Variants in GAA observed in about 807,000 individuals in gnomAD.
GAA encodes alpha glucosidase.
GAA carries 88 observed loss-of-function variants against 103.9 expected under a neutral mutation model. The ratio of observed to expected loss-of-function variants is 0.85; its 90% CI spans 0.71 to 1.01. The LOEUF (loss-of-function observed/expected upper bound fraction) is 1.01. Among genes scored for constraint, GAA ranks in the 50% least tolerant of loss-of-function variants. The pLI, the probability that GAA is intolerant of heterozygous loss-of-function variation, is 0.00. For missense variants in GAA, 1,350 were observed against 1,305.3 expected (o/e 1.03, Z -0.53); for synonymous variants, 572 against 563.1 (o/e 1.02, Z -0.22).
chr17:80,116,177 C>T (rs1431190483), intron 15 of GAA, among the ~76,000 whole-genome samples: 2 of 152,162 alleles, frequency 1.3e-5, no homozygotes, highest in Non-Finnish European at 2.9e-5. Flanking sequence ...TTTATTTTGC[C>T]CATGAATTAG....
rs80028109 is a variant in GAA, at chr17:80,109,816, C to T, written c.1327-129C>T. On this transcript the variant is annotated intron_variant, in intron 8 of 19. Transcript: ENST00000302262. ...AGGCGTGTGCAGGCATGTGCAGGTA[C>T]ACAGGCAGGCATGCTGTACACACGC... 276 of 685,774 alleles carry T rather than the reference C, an allele frequency of 4.0e-4. 1 individual carries two copies. The East Asian group carries it at 6.4e-3, about 16-fold the overall frequency. 42.5% of individuals were successfully genotyped at this position (685,774 alleles called of 1,614,324 possible).
rs1438918341 is a variant in GAA at position 80,105,818 on chromosome 17, T to C, written c.616T>C (p.Ser206Pro). 8 of 1,610,598 alleles carry C rather than the reference T, an allele frequency of 5.0e-6. No homozygotes were observed. Among genetic ancestry groups the C allele is most frequent in the South Asian group, 2.2e-5 (2 of 91,080 alleles). ...ETPHVHSRAP[S>P]PLYSVEFSEE... ...CCCGCATGTCCACAGCCGGGCACCG[T>C]CCCCACTCTACAGCGTGGAGTTCTC... Residue 206 changes from serine to proline, a missense_variant, in exon 3 of 20, where the codon TCC becomes CCC. Physicochemically the swap from Ser to Pro is moderately conservative, Grantham distance 74 (BLOSUM62 -1). Coordinates refer to ENST00000302262, the MANE Select transcript of GAA (RefSeq NM_000152.5).
chr17:80,113,549 C>A (rs1379215482), intron 15 of GAA, among the ~76,000 whole-genome samples, 183 bp downstream of exon 15: 1 of 152,208 alleles, frequency 6.6e-6, no homozygotes, highest in Non-Finnish European at 1.5e-5. Context: ...TAATATCCCC[C>A]AGACAGGCCG....
In GAA at chr17:80,119,236, T is replaced by C. The variant is rs752824445; in HGVS notation, c.2800-36T>C. On this transcript the variant is annotated intron_variant, in intron 19 of 19. Coordinates refer to ENST00000302262, the MANE Select transcript of GAA (RefSeq NM_000152.5). ...CGCTGGGGTCTCACTGCTGCTGGGA[T>C]CTCGGGCTGCTCCATTTGTGCTCTC... is the stretch of plus-strand genomic sequence containing the variant. 2.5e-6 allele frequency: 4 copies of C among 1,605,900 alleles called. No homozygotes were observed. The Admixed American group carries it at 6.7e-5, about 27-fold the overall frequency.
In GAA at chr17:80,104,826, A is replaced by G. The variant is rs778124725; in HGVS notation, c.240A>G (p.Thr80=). Residue 80 remains threonine (T), a synonymous_variant, in exon 2 of 20, where the codon ACA becomes ACG. Coordinates refer to ENST00000302262, the MANE Select transcript of GAA (RefSeq NM_000152.5). This position sits in a 1 kb window ranked among gnomAD's most constrained non-coding sequence, Gnocchi z 4.0. ...CCGGCCGTCCCAGAGCAGTGCCCAC[A>G]CAGTGCGACGTCCCCCCCAACAGCC... The part of the protein sequence containing the change: ...AHPGRPRAVP[T]QCDVPPNSRF... 10 of 1,612,524 alleles carry G rather than the reference A, an allele frequency of 6.2e-6. No individual in the cohort carries two copies. Among genetic ancestry groups the G allele is most frequent in the Non-Finnish European group, 7.6e-6 (9 of 1,179,844 alleles).
intron 15 of GAA, among the ~76,000 whole-genome samples, chr17:80,113,746 C>T (rs1358467939): frequency 1.3e-5 from 2 of 152,076 alleles, no homozygotes; most frequent in Non-Finnish European, 2.9e-5. Flanking sequence ...AGGCCAGGCA[C>T]GGTGGCTAAC....
chr17:80,112,109 C>T lies in GAA; in HGVS notation c.1754+9C>T, dbSNP rs1319204794. On this transcript the variant is annotated intron_variant, in intron 12 of 19. Coordinates refer to ENST00000302262, the MANE Select transcript of GAA (RefSeq NM_000152.5). ...GCCATCGCCTCCCACAGGTGAGGGC[C>T]ACGTCCCGCCCCACTGGGCTCTGCC... 1 of 1,607,004 alleles carries T rather than the reference C, an allele frequency of 6.2e-7. No homozygotes were observed. The highest frequency in any genetic ancestry group is 1.1e-5 in the South Asian group (1 of 90,960).
At position 80,119,252 on chromosome 17, in the gene GAA, T is replaced by C. The variant is rs2039428978; in HGVS notation, c.2800-20T>C. On this transcript the variant is annotated intron_variant, in intron 19 of 19. Transcript: ENST00000302262. ...CTGCTGGGATCTCGGGCTGCTCCATTTGTGCTCTCTCTTTTCCAGGTCCTG... is the reference window on the plus strand; with the variant it reads ...CTGCTGGGATCTCGGGCTGCTCCATCTGTGCTCTCTCTTTTCCAGGTCCTG... 6.2e-7 allele frequency: 1 copy of C among 1,612,834 alleles called. No homozygotes were observed. The highest frequency in any genetic ancestry group is 1.3e-5 in the African/African-American group (1 of 74,814).
intron 1 of GAA, 53 bp downstream of exon 1, chr17:80,101,943 G>T (rs1044404528): frequency 6.6e-6 from 1 of 152,318 alleles, no homozygotes; most frequent in African/African-American, 2.4e-5. Context: ...CCCAGAAGCG[G>T]GTTTGAACGT....
chr17:80,109,496 G>T (rs758164620), intron 8 of GAA, among the ~76,000 whole-genome samples: 1 of 152,326 alleles, frequency 6.6e-6, no homozygotes, highest in South Asian at 2.1e-4. Flanking sequence ...GTTCCTGCCC[G>T]GAAGATCCAC....
In GAA at chr17:80,104,864, C is replaced by A; in HGVS notation, c.278C>A (p.Ala93Asp). 1 of 1,613,012 alleles carries A rather than the reference C, an allele frequency of 6.2e-7. No individual in the cohort carries two copies. The highest frequency in any genetic ancestry group is 8.5e-7 in the Non-Finnish European group (1 of 1,179,950). ...DVPPNSRFDC[A>D]PDKAITQEQC... ...CCCCCCAACAGCCGCTTCGATTGCG[C>A]CCCTGACAAGGCCATCACCCAGGAA... The change falls in exon 2 of 20, where the codon GCC (alanine) becomes GAC (aspartate). Residue 93 changes from alanine to aspartate, a missense_variant. Physicochemically the swap from Ala to Asp is moderately radical, Grantham distance 126. Coordinates refer to ENST00000302262, the MANE Select transcript of GAA (RefSeq NM_000152.5). This position sits in a 1 kb window ranked among gnomAD's most constrained non-coding sequence, Gnocchi z 4.0.
Position 80,105,759 on chromosome 17 carries a change from C to T in GAA, c.557C>T (p.Pro186Leu). 6.2e-7 allele frequency: 1 copy of T among 1,612,370 alleles called. No individual in the cohort carries two copies. The highest frequency in any genetic ancestry group is 8.5e-7 in the Non-Finnish European group (1 of 1,179,922). ...ENRLHFTIKD[P>L]ANRRYEVPLE... ...CCCCATCTCTTCTAGATCAAAGATC[C>T]AGCTAACAGGCGCTACGAGGTGCCC... Residue 186 changes from proline to leucine, a missense_variant, in exon 3 of 20, where the codon CCA becomes CTA. Pro to Leu is a moderately conservative substitution (Grantham distance 98). Coordinates refer to ENST00000302262, the MANE Select transcript of GAA (RefSeq NM_000152.5).
intron 5 of GAA, 47 bp from the exon 6 acceptor site, chr17:80,108,243 C>G (rs1260457960): frequency 6.2e-7 from 1 of 1,613,128 alleles, no homozygotes; most frequent in Admixed American, 1.7e-5. Flanking sequence ...GCAGAGCCCT[C>G]CAAGTGAAGA....
At chr17:80,115,668 T>C (rs888900640) in intron 15 of GAA, among the ~76,000 whole-genome samples, 2 of 152,242 alleles carry the variant, frequency 1.3e-5, no homozygotes, top group East Asian at 1.9e-4. Context: ...TGTTTCAGAC[T>C]GGACATTTTA....
chr17:80,105,795 C>G lies in GAA; in HGVS notation c.593C>G (p.Pro198Arg), dbSNP rs765075888. ...NRRYEVPLET[P>R]HVHSRAPSPL... ...CGCTACGAGGTGCCCTTGGAGACCCCGCATGTCCACAGCCGGGCACCGTCC... is the reference window on the plus strand; with the variant it reads ...CGCTACGAGGTGCCCTTGGAGACCCGGCATGTCCACAGCCGGGCACCGTCC... The change falls in exon 3 of 20, where the codon CCG becomes CGG. Residue 198 changes from proline to arginine, a missense_variant. Physicochemically the swap from Pro to Arg is moderately radical, Grantham distance 103. Coordinates refer to ENST00000302262, the MANE Select transcript of GAA (RefSeq NM_000152.5). 1.2e-6 allele frequency: 2 copies of G among 1,611,926 alleles called. No homozygotes were observed. Among genetic ancestry groups the G allele is most frequent in the Non-Finnish European group, 1.7e-6 (2 of 1,179,986 alleles).
chr17:80,108,999 C>T (rs1392902586), intron 8 of GAA, among the ~76,000 whole-genome samples, 171 bp downstream of exon 8: 2 of 152,142 alleles, frequency 1.3e-5, no homozygotes, highest in African/African-American at 2.4e-5. Context: ...CCCAGCTGTC[C>T]AGGGAGGTCG....
Position 80,111,827 on chromosome 17 carries a change from C to T in GAA, c.1637-156C>T, listed in dbSNP as rs569473197. The T allele has an allele frequency of 9.8e-5, 63 of 644,828 alleles. No individual in the cohort carries two copies. In the East Asian group the frequency reaches 1.7e-3, roughly 17 times the overall value. The allele number at this position is 644,828 out of a possible 1,614,324, so 39.9% of individuals were successfully genotyped here. ...CCCAGGTTCCCGGGTAACGCCAGCC[C>T]CACAGAGGCGTGGGGAGCGGCTGCA... On this transcript the variant is annotated intron_variant, in intron 11 of 19. Transcript: ENST00000302262.
In GAA at chr17:80,119,275, C is replaced by T. The variant is rs746826091; in HGVS notation, c.2803C>T (p.Leu935=). ...NFTYSPDTKV[L]DICVSLLMGE... is the part of the protein sequence containing the mutation. ...ATTTGTGCTCTCTCTTTTCCAGGTC[C>T]TGGACATCTGTGTCTCGCTGTTGAT... Residue 935 remains leucine, a synonymous_variant, in exon 20 of 20, where the codon CTG becomes TTG. Coordinates refer to ENST00000302262, the MANE Select transcript of GAA (RefSeq NM_000152.5). The T allele has an allele frequency of 1.2e-6, 2 of 1,613,960 alleles. No homozygotes were observed. Among genetic ancestry groups the T allele is most frequent in the Non-Finnish European group, 1.7e-6 (2 of 1,179,952 alleles).
Position 80,108,816 on chromosome 17 carries a change from C to T in GAA, c.1314C>T (p.Tyr438=), listed in dbSNP as rs1333715186. Residue 438 remains tyrosine, a synonymous_variant, in exon 8 of 20, where the codon TAC becomes TAT. Transcript: ENST00000302262. ...VQELHQGGRR[Y]MMIVDPAISS... ...AGCTGCACCAGGGCGGCCGGCGCTA[C>T]ATGATGATCGTGGTGTGTGCCCCCA... 2 of 1,595,620 alleles carry T rather than the reference C, an allele frequency of 1.3e-6. No individual in the cohort carries two copies. Among genetic ancestry groups the T allele is most frequent in the East Asian group, 2.3e-5 (1 of 43,894 alleles).
Sources: allele counts gnomAD v4.1 joint callset (sites outside exome capture counted in the v4.1 genomes callset), GRCh38; gene constraint gnomAD v4.1.1; non-coding constraint Gnocchi (gnomAD v3.1); transcripts MANE v1.5; gene names NCBI Gene and HGNC (gene_info 2026-07-23, HGNC 2026-07-21).